Variants in ADGRG6 observed in about 807,000 individuals in gnomAD.
The protein encoded by ADGRG6 is adhesion G protein-coupled receptor G6.
Under a neutral mutation model 142.4 loss-of-function variants are expected in ADGRG6, and 84 were observed. The observed-to-expected ratio is 0.59, with a 90% CI of 0.49 to 0.71. The LOEUF (loss-of-function observed/expected upper bound fraction) is 0.71. ADGRG6 is among the 30% of genes least tolerant of loss of function. The pLI is 0.00. For synonymous variants in ADGRG6, 521 were observed against 520.5 expected, an observed-to-expected ratio of 1.00 and a Z score of -0.01; for missense variants, 1,367 against 1,466.6, an observed-to-expected ratio of 0.93 and a Z score of 1.11.
chr6:142,336,793 G>T (rs1365096752), intron 2 of ADGRG6, among the ~76,000 whole-genome samples: 1 of 152,200 alleles, frequency 6.6e-6, no homozygotes, highest in Non-Finnish European at 1.5e-5. Flanking sequence ...AACTGAGTTT[G>T]TGAGAGATCT....
chr6:142,338,017 GT>G lies in ADGRG6; in HGVS notation c.103+28394del, dbSNP rs1181314373. 1.1e-3 allele frequency among the ~76,000 whole-genome samples: 38 copies of G among 35,388 alleles called. 1 individual carries two copies. The South Asian group carries it at 0.012, about 11-fold the overall frequency. The allele number at this position is 35,388 out of a possible 152,430, so 23.2% of individuals were successfully genotyped here. A position where few individuals can be genotyped will look rare whatever the true frequency, so the allele number is the denominator to read the frequency against. On this transcript the variant is annotated intron_variant, in intron 2 of 24. Coordinates refer to ENST00000367609, the MANE Select transcript of ADGRG6 (RefSeq NM_198569.3). ...AATCCTTTTTATGCCTTGTATCTTT[GT>G]TTTTTTTTTTTTTTTTTTTTGAGAC...
chr6:142,352,362 T>C (rs539176525), intron 2 of ADGRG6, among the ~76,000 whole-genome samples: 2 of 152,126 alleles, frequency 1.3e-5, no homozygotes, highest in South Asian at 4.1e-4. Flanking sequence ...CTAATGTAGG[T>C]ACAGCAAACC....
At chr6:142,316,611 A>T (rs1347783256) in intron 2 of ADGRG6, among the ~76,000 whole-genome samples, 5 of 152,156 alleles carry the variant, frequency 3.3e-5, no homozygotes, top group Admixed American at 6.5e-5. Flanking sequence ...TGCCTTAAAT[A>T]TGTCCAGAAA....
chr6:142,386,615 G>T (rs1021692347), intron 6 of ADGRG6, among the ~76,000 whole-genome samples: 16 of 152,142 alleles, frequency 1.1e-4, no homozygotes, highest in African/African-American at 3.1e-4. Context: ...CAATATGGGG[G>T]TTTGCCGAGT....
chr6:142,371,145 A>C (rs549305923), intron 4 of ADGRG6, among the ~76,000 whole-genome samples: 2 of 152,006 alleles, frequency 1.3e-5, no homozygotes, highest in East Asian at 3.9e-4. Context: ...TTGAAACAAA[A>C]GAAATTAATA....
chr6:142,427,391 C>T (rs1218569306), intron 22 of ADGRG6, among the ~76,000 whole-genome samples: 2 of 152,188 alleles, frequency 1.3e-5, no homozygotes, highest in Non-Finnish European at 1.5e-5. Flanking sequence ...TGCCCCAGTT[C>T]TCAACAAGTT....
chr6:142,359,487 G>A (rs1780616930), intron 2 of ADGRG6, among the ~76,000 whole-genome samples: 1 of 152,082 alleles, frequency 6.6e-6, no homozygotes, highest in South Asian at 2.1e-4. Flanking sequence ...ACTCTTTTCT[G>A]TTTTGTCTCT....
chr6:142,432,109 A>T (rs1777244189), intron 22 of ADGRG6, among the ~76,000 whole-genome samples: 1 of 152,074 alleles, frequency 6.6e-6, no homozygotes, highest in Non-Finnish European at 1.5e-5. Flanking sequence ...GGTAATAGCC[A>T]TGTTTTCTCA....
rs371988748 is a variant in ADGRG6, at chr6:142,443,424, A to T, written c.3662A>T (p.Asp1221Val). The T allele has an allele frequency of 4.3e-5, 69 of 1,611,404 alleles. No homozygotes were observed. The African/African-American group carries it at 7.6e-4, about 18-fold the overall frequency. ...ATCATCCCTGTCCATCAGGTCATTG[A>T]TAAGGTCAAGGGTTATTGCAATGCT... Reference protein sequence around the residue: ...TSIIPVHQVIDKVKGYCNAHS... With the variant: ...TSIIPVHQVIVKVKGYCNAHS... The change falls in exon 25 of 25, where the codon GAT becomes GTT. Residue 1221 changes from aspartate (D) to valine (V), a missense_variant. By Grantham distance (152) the Asp-to-Val change is radical. Around this residue, in one of 3 missense-constraint regions of ADGRG6, gnomAD observed 344 missense variants for 348.7 expected, o/e 0.99. Coordinates refer to ENST00000367609, the MANE Select transcript of ADGRG6 (RefSeq NM_198569.3).
At chr6:142,366,137 C>T (rs919733541) in intron 2 of ADGRG6, among the ~76,000 whole-genome samples, 3 of 152,080 alleles carry the variant, frequency 2.0e-5, no homozygotes, top group Non-Finnish European at 4.4e-5. Flanking sequence ...TTTCTGATTC[C>T]AACTGGTGGA....
chr6:142,370,729 C>G lies in ADGRG6; in HGVS notation c.1005C>G (p.Asp335Glu). The change falls in exon 4 of 25, where the codon GAC becomes GAG. Residue 335 changes from aspartate (D) to glutamate (E), a missense_variant. By Grantham distance (45) the Asp-to-Glu change is conservative. Around this residue, in one of 3 missense-constraint regions of ADGRG6, gnomAD observed 737 missense variants for 746.5 expected, o/e 0.99. Coordinates refer to ENST00000367609, the MANE Select transcript of ADGRG6 (RefSeq NM_198569.3). ...LSCNVKGNVVDWQNDFWNIPN... is the reference protein window; with the variant it reads ...LSCNVKGNVVEWQNDFWNIPN... The stretch of plus-strand genomic sequence containing the variant: ...GTAATGTGAAAGGGAATGTAGTCGA[C>G]TGGCAAAATGACTTCTGGAATATCC... 1.9e-6 allele frequency: 3 copies of G among 1,613,716 alleles called. No homozygotes were observed. The highest frequency in any genetic ancestry group is 2.5e-6 in the Non-Finnish European group (3 of 1,179,778).
intron 2 of ADGRG6, among the ~76,000 whole-genome samples, chr6:142,325,947 T>C (rs1007281535): frequency 5.9e-5 from 9 of 151,968 alleles, no homozygotes; most frequent in Non-Finnish European, 1.3e-4. Context: ...TTTAAAACTA[T>C]GTAAGGTAGA....
At chr6:142,381,569 G>T (rs1485867150) in intron 4 of ADGRG6, among the ~76,000 whole-genome samples, 2 of 152,116 alleles carry the variant, frequency 1.3e-5, no homozygotes, top group Non-Finnish European at 2.9e-5. Context: ...CGTTTTATGG[G>T]TAATTCATAT....
At position 142,398,605 on chromosome 6, in the gene ADGRG6, C is replaced by A. The variant is rs181433168; in HGVS notation, c.1567+850C>A. ...ACATATGGCACGGCTTGTACTTCCA[C>A]AAAGAGGCTGTGCTGCTTCCTTTAG... On this transcript the variant is annotated intron_variant, in intron 10 of 24. Transcript: ENST00000367609. Among the ~76,000 whole-genome samples, 351 of 152,256 alleles carry A rather than the reference C, an allele frequency of 2.3e-3. 9 individuals carry two copies. The highest frequency in any genetic ancestry group is 2.6e-4 in the Non-Finnish European group (18 of 68,016).
intron 6 of ADGRG6, 144 bp from the exon 7 acceptor site, chr6:142,390,114 C>G (rs1562359645): frequency 2.8e-6 from 1 of 355,520 alleles, no homozygotes; most frequent in Non-Finnish European, 5.1e-6. Context: ...GAAGGTGTTT[C>G]TTTTAACTTA....
intron 2 of ADGRG6, among the ~76,000 whole-genome samples, chr6:142,367,005 GA>G (rs905737542): frequency 2.0e-5 from 3 of 151,690 alleles, no homozygotes; most frequent in Admixed American, 1.3e-4. Flanking sequence ...TTGAATTTCA[GA>G]AAAAAAATAC....
intron 2 of ADGRG6, among the ~76,000 whole-genome samples, chr6:142,318,496 G>A (rs1000799700): frequency 7.0e-6 from 1 of 142,108 alleles, no homozygotes; most frequent in Non-Finnish European, 1.5e-5. Context: ...TGCCTTTAAT[G>A]TTAAGGAATT....
intron 2 of ADGRG6, among the ~76,000 whole-genome samples, chr6:142,350,414 C>T (rs1251464830): frequency 6.6e-6 from 1 of 152,062 alleles, no homozygotes; most frequent in Non-Finnish European, 1.5e-5. Flanking sequence ...AGGTTTATAC[C>T]AGCAGTAATA....
At chr6:142,383,668 A>G (rs1781881727) in intron 5 of ADGRG6, 92 bp from the exon 6 acceptor site, 17 of 691,134 alleles carry the variant, frequency 2.5e-5, no homozygotes, top group South Asian at 2.2e-4. Flanking sequence ...TTCTTCCCCT[A>G]TATATTTTAA....
Sources: gnomAD v4.1 joint callset for allele counts (sites outside exome capture counted in the v4.1 genomes callset) on GRCh38, gnomAD v4.1.1 for gene constraint, gnomAD v4.1.1 regional missense constraint, MANE v1.5 for transcripts, NCBI Gene and HGNC (gene_info 2026-07-23, HGNC 2026-07-21) for gene names.